NTM: variants seen among roughly 807,000 people sequenced by gnomAD.
The protein encoded by NTM is neurotrimin, also known as IgLON family member 2.
In NTM, 13 loss-of-function variants were observed where a neutral mutation model predicts 42.1. The observed-to-expected ratio is 0.31, with a 90% CI of 0.20 to 0.49. NTM has a LOEUF of 0.49. Among genes scored for constraint, NTM ranks in the 20% least tolerant of loss-of-function variants. The pLI, the probability that NTM is intolerant of heterozygous loss-of-function variation, is 0.99. For synonymous variants in NTM, 187 were observed against 179.2 expected (o/e 1.04, Z -0.35); for missense variants, 373 against 452.8 (o/e 0.82, Z 1.60).
At chr11:131,382,181 A>G (rs778345243) in intron 1 of NTM, among the ~76,000 whole-genome samples, 16 of 152,178 alleles carry the variant, frequency 1.1e-4, no homozygotes, top group Non-Finnish European at 2.1e-4. Flanking sequence ...GACTGGGTAC[A>G]GTGTGGAGGG....
At chr11:131,601,827 A>C (rs1360294753) in intron 1 of NTM, among the ~76,000 whole-genome samples, 1 of 152,182 alleles carries the variant, frequency 6.6e-6, no homozygotes, top group Admixed American at 6.5e-5. Context: ...TTCAACAAAC[A>C]TTTACTGAGA....
chr11:131,596,402 G>T (rs2059813004), intron 1 of NTM, among the ~76,000 whole-genome samples: 1 of 152,222 alleles, frequency 6.6e-6, no homozygotes, highest in Non-Finnish European at 1.5e-5. Context: ...CGGCATCGTA[G>T]GTAAACAAAT....
chr11:131,389,896 G>A (rs984287970), intron 1 of NTM, among the ~76,000 whole-genome samples: 2 of 152,122 alleles, frequency 1.3e-5, no homozygotes, highest in Admixed American at 6.5e-5. Context: ...AGGGAAGCCC[G>A]GGGAAAGGAG....
intron 1 of NTM, among the ~76,000 whole-genome samples, chr11:131,464,361 G>GA (rs1951691092): frequency 1.0e-5 from 1 of 95,724 alleles, no homozygotes; most frequent in African/African-American, 4.9e-5. Context: ...GGGAAAGCTG[G>GA]GGGGGGGGCA....
chr11:131,425,173 C>T (rs760996130), intron 1 of NTM, among the ~76,000 whole-genome samples: 2 of 152,096 alleles, frequency 1.3e-5, no homozygotes, highest in Admixed American at 6.5e-5. Flanking sequence ...TTAGCCATTG[C>T]GCCTGGCTAG....
At chr11:131,554,749 T>A (rs888651028) in intron 1 of NTM, among the ~76,000 whole-genome samples, 3 of 152,162 alleles carry the variant, frequency 2.0e-5, no homozygotes, top group Non-Finnish European at 2.9e-5. Context: ...GTTGCAACAA[T>A]GTTTTTTGAA....
At chr11:131,711,481 A>G (rs549475034) in intron 1 of NTM, among the ~76,000 whole-genome samples, 2,311 of 152,314 alleles carry the variant, frequency 0.015, 49 homozygotes, top group African/African-American at 0.051. Flanking sequence ...TCAGGAAACA[A>G]CAGGTGCTGG....
chr11:132,270,120 C>T (rs750557792), intron 4 of NTM, among the ~76,000 whole-genome samples: 19 of 152,138 alleles, frequency 1.2e-4, no homozygotes, highest in Non-Finnish European at 2.8e-4. Context: ...TGAGATCATA[C>T]GTATATATTC....
chr11:132,180,109 T>A (rs775691957), intron 3 of NTM, among the ~76,000 whole-genome samples: 3 of 152,316 alleles, frequency 2.0e-5, no homozygotes, highest in African/African-American at 4.8e-5. Context: ...AAGGGATTGA[T>A]TGTCTATGGA....
rs1159944337 is a variant in NTM, at chr11:131,624,066, G to A, written c.82+253178G>A. Among the ~76,000 whole-genome samples, 9 of 152,116 alleles carry A rather than the reference G, an allele frequency of 5.9e-5. No individual in the cohort carries two copies. The South Asian group carries it at 8.3e-4, about 14-fold the overall frequency. ...GGGTTTTTGCCCCAGTCATTTCCTG[G>A]GGCACCTTGTACTCTGTGCAGAGGC... On this transcript the variant is annotated intron_variant, in intron 1 of 8. Transcript: ENST00000683400.
At chr11:131,510,260 G>A (rs533859471) in intron 1 of NTM, among the ~76,000 whole-genome samples, 2 of 152,308 alleles carry the variant, frequency 1.3e-5, no homozygotes, top group East Asian at 1.9e-4. Context: ...CAGCTCATCC[G>A]CAGCGGGCTT....
intron 2 of NTM, among the ~76,000 whole-genome samples, chr11:132,007,437 G>C (rs569835719): frequency 1.3e-5 from 2 of 152,128 alleles, no homozygotes; most frequent in Non-Finnish European, 2.9e-5. Context: ...CCTGCTGAGC[G>C]TTACGAAGCA....
chr11:131,636,475 C>G (rs2048055), intron 1 of NTM, among the ~76,000 whole-genome samples: 41,165 of 152,028 alleles, frequency 0.27, 5,706 homozygotes, highest in African/African-American at 0.33. Flanking sequence ...TGCTTTCCAT[C>G]CATGGTTGGT....
At chr11:132,119,817 G>T (rs1259746395) in intron 2 of NTM, among the ~76,000 whole-genome samples, 3 of 152,238 alleles carry the variant, frequency 2.0e-5, no homozygotes, top group African/African-American at 4.8e-5. Flanking sequence ...AGGCAGTGCT[G>T]GGTTAGGGTT....
chr11:131,850,696 G>A, intron 1 of NTM, among the ~76,000 whole-genome samples: 1 of 152,194 alleles, frequency 6.6e-6, no homozygotes, highest in East Asian at 1.9e-4. Flanking sequence ...ATGTTCAAAG[G>A]GAGGTGACGA....
At chr11:132,214,404 C>T (rs914002468) in intron 4 of NTM, among the ~76,000 whole-genome samples, 6 of 151,976 alleles carry the variant, frequency 3.9e-5, no homozygotes, top group Non-Finnish European at 8.8e-5. Flanking sequence ...CTTCTCATTC[C>T]CTCATCTGGC....
At chr11:131,508,274 A>T (rs1436091512) in intron 1 of NTM, among the ~76,000 whole-genome samples, 1 of 145,352 alleles carries the variant, frequency 6.9e-6, no homozygotes, top group Non-Finnish European at 1.5e-5. Context: ...GCCAAAAAAC[A>T]CATGAAAAAA....
chr11:132,202,684 A>T (rs986963325), intron 3 of NTM, among the ~76,000 whole-genome samples: 4 of 152,206 alleles, frequency 2.6e-5, no homozygotes, highest in African/African-American at 9.6e-5. Flanking sequence ...GAGGCATGGA[A>T]TAAGGAAAGA....
chr11:131,638,146 C>T (rs2064651901), intron 1 of NTM, among the ~76,000 whole-genome samples: 1 of 152,058 alleles, frequency 6.6e-6, no homozygotes, highest in Admixed American at 6.6e-5. Flanking sequence ...ATAGTAGTTA[C>T]CAATCACAGG....
Sources: allele counts gnomAD v4.1 joint callset (sites outside exome capture counted in the v4.1 genomes callset), GRCh38; gene constraint gnomAD v4.1.1; transcripts MANE v1.5; gene names NCBI Gene and HGNC (gene_info 2026-07-23, HGNC 2026-07-21).